SYCE1: variants seen among roughly 807,000 people sequenced by gnomAD.
SYCE1 encodes synaptonemal complex central element protein 1.
SYCE1 carries 37 observed loss-of-function variants against 55.1 expected under a neutral mutation model. The observed-to-expected ratio is 0.67, with a 90% CI of 0.52 to 0.88. SYCE1 has a LOEUF of 0.88. SYCE1 is among the 40% of genes least tolerant of loss of function. The pLI is 0.00. For missense variants in SYCE1, 399 were observed against 416.4 expected (o/e 0.96, Z 0.36); for synonymous variants, 163 against 159.4 (o/e 1.02, Z -0.17).
intron 12 of SYCE1, 25 bp downstream of exon 12, chr10:133,555,326 C>T (rs1367824004): frequency 6.2e-7 from 1 of 1,613,512 alleles, no homozygotes; most frequent in East Asian, 2.2e-5. Flanking sequence ...GTTTCTGTTC[C>T]CTGACGCCCA....
chr10:133,566,406 G>C, upstream of SYCE1, among the ~76,000 whole-genome samples: 1 of 152,132 alleles, frequency 6.6e-6, no homozygotes, highest in Non-Finnish European at 1.5e-5. Context: ...CTACAGATTA[G>C]AGCTAGGGAT....
chr10:133,558,329 G>T, intron 4 of SYCE1, 115 bp from the exon 5 acceptor site: 1 of 1,194,080 alleles, frequency 8.4e-7, no homozygotes, highest in Non-Finnish European at 1.2e-6. Flanking sequence ...ACCCAAATGT[G>T]AACCCTTGAG....
At chr10:133,555,244 A>G (rs1239887404) in intron 12 of SYCE1, 107 bp downstream of exon 12, 2 of 1,574,718 alleles carry the variant, frequency 1.3e-6, no homozygotes, top group East Asian at 4.5e-5. Context: ...CCCTCCCCAT[A>G]GACCATCCTC....
intron 2 of SYCE1, 146 bp from the exon 3 acceptor site, chr10:133,559,506 GT>G (rs1851771467): frequency 2.7e-6 from 2 of 734,188 alleles, no homozygotes; most frequent in Non-Finnish European, 2.4e-6. Context: ...CGGGGCTCAC[GT>G]TCTGGGTGGG....
chr10:133,561,947 AG>A (rs1156681078), intron 1 of SYCE1, among the ~76,000 whole-genome samples: 8 of 152,006 alleles, frequency 5.3e-5, no homozygotes, highest in Admixed American at 3.3e-4. Context: ...AAAGGAAAAA[AG>A]GGGGGGAAGA....
At chr10:133,567,985 C>T, upstream of SYCE1, 1 of 592,754 alleles carries the variant, frequency 1.7e-6, no homozygotes, top group Non-Finnish European at 3.2e-6. Context: ...CCTGCACCCA[C>T]TGGGGCTCCA....
chr10:133,564,992 A>G (rs1416872643), intron 1 of SYCE1, among the ~76,000 whole-genome samples: 3 of 150,456 alleles, frequency 2.0e-5, no homozygotes, highest in South Asian at 2.2e-4. Flanking sequence ...ATCTGCGTGG[A>G]GTCGGCCTCC....
intron 1 of SYCE1, chr10:133,560,889 G>T (rs1851801782): frequency 6.6e-6 from 1 of 152,098 alleles, no homozygotes. Context: ...TTCTTACTCA[G>T]ATAAATGCAT....
chr10:133,555,930 C>A (rs751568140), intron 9 of SYCE1, 27 bp from the exon 10 acceptor site: 1 of 1,613,620 alleles, frequency 6.2e-7, no homozygotes, highest in Non-Finnish European at 8.5e-7. Context: ...CAGGTGAGCA[C>A]ATGAAGGCAC....
downstream of SYCE1, chr10:133,554,314 A>T: frequency 6.2e-7 from 1 of 1,614,090 alleles, no homozygotes; most frequent in Non-Finnish European, 8.5e-7. Flanking sequence ...TCACTGGTCT[A>T]CCTGGTCTGG....
rs201294478 is a variant in SYCE1, at chr10:133,557,838, A to G, written c.374+26T>C. 1.2e-4 allele frequency: 196 copies of G among 1,613,550 alleles called. 2 individuals carry two copies. The highest frequency in any genetic ancestry group is 1.6e-4 in the Non-Finnish European group (185 of 1,179,632). ...CTACCAGAATAAAGAGGTAGTGCAG[A>G]GTTAGGCTCAGCTGGAAGCTCTTAC... On this transcript the variant is annotated intron_variant, in intron 6 of 12. Transcript: ENST00000343131.
chr10:133,555,237 TC>T, intron 12 of SYCE1, 108 bp from the exon 13 acceptor site: 1 of 1,563,454 alleles, frequency 6.4e-7, no homozygotes, highest in Non-Finnish European at 8.7e-7. Flanking sequence ...GGAAAGGCCC[TC>T]CCCATAGACC....
chr10:133,556,715 TA>T (rs1317308078), intron 8 of SYCE1, 43 bp downstream of exon 8: 2 of 1,546,294 alleles, frequency 1.3e-6, no homozygotes, highest in East Asian at 4.9e-5. Flanking sequence ...CTGGTGCTGC[TA>T]GGGAAGATGT....
At chr10:133,564,520 G>A in intron 1 of SYCE1, 1 of 741,590 alleles carries the variant, frequency 1.3e-6, no homozygotes, top group Non-Finnish European at 1.6e-6. Context: ...TACTTGCTTT[G>A]TCCTTCGCTG....
chr10:133,566,678 G>A (rs114781107), upstream of SYCE1, among the ~76,000 whole-genome samples: 1,763 of 151,052 alleles, frequency 0.012, no homozygotes, highest in African/African-American at 0.041. Context: ...TTTGGGATTT[G>A]GCTAAGGTTT....
chr10:133,556,917 G>A, intron 7 of SYCE1, 95 bp from the exon 8 acceptor site: 3 of 1,542,930 alleles, frequency 1.9e-6, no homozygotes, highest in African/African-American at 1.4e-5. Context: ...ATTTTGGGGT[G>A]CTTTGCCCAT....
chr10:133,565,653 A>G, upstream of SYCE1: 2 of 898,116 alleles, frequency 2.2e-6, no homozygotes, highest in Non-Finnish European at 3.2e-6. Flanking sequence ...GCGCGCCTGG[A>G]GATGTGAGGT....
chr10:133,557,287 T>C lies in SYCE1; in HGVS notation c.375-131A>G, dbSNP rs528481960. 9.2e-5 allele frequency: 68 copies of C among 740,600 alleles called. No homozygotes were observed. The African/African-American group carries it at 1.0e-3, about 11-fold the overall frequency. The allele number at this position is 740,600 out of a possible 1,614,324, so 45.9% of individuals were successfully genotyped here. ...TAAGGTCCTTCTCTGTAACATGTGG[T>C]AAGTAGGGAGTGACATGACCATTTG... On this transcript the variant is annotated intron_variant, in intron 6 of 12. Transcript: ENST00000343131.
upstream of SYCE1, chr10:133,565,694 G>A (rs1313360479): frequency 1.5e-6 from 1 of 654,692 alleles, no homozygotes; most frequent in African/African-American, 1.9e-5. Flanking sequence ...TGGCACTAGT[G>A]CGCATGCGTA....
Sources: allele counts gnomAD v4.1 joint callset (sites outside exome capture counted in the v4.1 genomes callset), GRCh38; gene constraint gnomAD v4.1.1; transcripts MANE v1.5; gene names NCBI Gene and HGNC (gene_info 2026-07-23, HGNC 2026-07-21).